Variants in PDE7B observed in about 807,000 individuals in gnomAD.
PDE7B encodes the protein phosphodiesterase 7B.
Under a neutral mutation model 56.2 loss-of-function variants are expected in PDE7B, and 29 were observed. The ratio of observed to expected loss-of-function variants is 0.52; its 90% CI spans 0.38 to 0.70. The LOEUF (loss-of-function observed/expected upper bound fraction) is 0.70, where lower values mean the gene tolerates loss of function less well. Among genes scored for constraint, PDE7B ranks in the 30% least tolerant of loss-of-function variants. The pLI is 0.00. For missense variants in PDE7B, 490 were observed against 565.0 expected (o/e 0.87, Z 1.35); for synonymous variants, 197 against 196.9 (o/e 1.00, Z 0.00).
intron 6 of PDE7B, among the ~76,000 whole-genome samples, chr6:136,153,593 C>G (rs142730718): frequency 6.6e-6 from 1 of 152,204 alleles, no homozygotes; most frequent in Admixed American, 6.5e-5. Flanking sequence ...CTAAGAGGCC[C>G]GGATTTGCTT....
rs73561330 is a variant in PDE7B at position 136,118,909 on chromosome 6, T to C, written c.166+10095T>C. Among the ~76,000 whole-genome samples the C allele has an allele frequency of 6.4e-3, 969 of 152,300 alleles. 6 individuals are homozygous for C. Among genetic ancestry groups the C allele is most frequent in the African/African-American group, 0.022 (897 of 41,566 alleles). On this transcript the variant is annotated intron_variant, in intron 3 of 12. Coordinates refer to ENST00000308191, the MANE Select transcript of PDE7B (RefSeq NM_018945.4). ...ATCTAAAAAATCAGATTTTGCAATA[T>C]TTCTACTGTATTTTCTAATATTCCT...
intron 1 of PDE7B, among the ~76,000 whole-genome samples, chr6:135,928,453 TTA>T (rs1171803694): frequency 0.015 from 1,594 of 105,232 alleles, 56 homozygotes; most frequent in Non-Finnish European, 0.024. Context: ...ATATATTTAT[TTA>T]TATATATATT....
At chr6:135,895,703 A>G (rs1775889485) in intron 1 of PDE7B, among the ~76,000 whole-genome samples, 1 of 152,168 alleles carries the variant, frequency 6.6e-6, no homozygotes, top group Non-Finnish European at 1.5e-5. Flanking sequence ...TAAAAGGACC[A>G]AGCAGAGCTT....
At chr6:135,932,585 TG>T (rs1774313191) in intron 1 of PDE7B, among the ~76,000 whole-genome samples, 1 of 152,202 alleles carries the variant, frequency 6.6e-6, no homozygotes, top group African/African-American at 2.4e-5. Flanking sequence ...AATATATAGA[TG>T]CACACATTCA....
rs1583726046 is a variant in PDE7B, at chr6:135,875,054, T to G, written c.21+23035T>G. On this transcript the variant is annotated intron_variant, in intron 1 of 12. Coordinates refer to ENST00000308191, the MANE Select transcript of PDE7B (RefSeq NM_018945.4). ...TAAAAGCTTCTATTCCAGTTCTCTT[T>G]TGGTTACAGTTTTCCTGATAGATCT... Among the ~76,000 whole-genome samples, 3 of 152,136 alleles carry G rather than the reference T, an allele frequency of 2.0e-5. No homozygotes were observed. The East Asian group carries it at 5.8e-4, about 29-fold the overall frequency.
intron 2 of PDE7B, among the ~76,000 whole-genome samples, chr6:135,988,337 G>T (rs545718955): frequency 3.3e-5 from 5 of 152,116 alleles, no homozygotes; most frequent in Non-Finnish European, 7.4e-5. Flanking sequence ...TCCCAGTAAA[G>T]AAAGCTCCTC....
In PDE7B at chr6:135,984,069, A is replaced by G. The variant is rs1332919041; in HGVS notation, c.82+36545A>G. ...AGGACCTGATGCTCCTGCAGTGTGT[A>G]TCTGGCAATTCTTTCATCCACCTAT... On this transcript the variant is annotated intron_variant, in intron 2 of 12. Coordinates refer to ENST00000308191, the MANE Select transcript of PDE7B (RefSeq NM_018945.4). Among the ~76,000 whole-genome samples the G allele has an allele frequency of 2.6e-5, 4 of 152,348 alleles. No individual in the cohort carries two copies. The East Asian group carries it at 5.8e-4, about 22-fold the overall frequency.
At chr6:136,103,378 C>T (rs1777595761) in intron 2 of PDE7B, among the ~76,000 whole-genome samples, 1 of 152,226 alleles carries the variant, frequency 6.6e-6, no homozygotes, top group African/African-American at 2.4e-5. Flanking sequence ...TTAAATTGCA[C>T]AACCTTCCTC....
At chr6:136,167,071 C>T (rs945981112) in intron 8 of PDE7B, among the ~76,000 whole-genome samples, 32 of 152,070 alleles carry the variant, frequency 2.1e-4, no homozygotes, top group African/African-American at 7.5e-4. Flanking sequence ...AATGCTCTTC[C>T]CCAGGCAGGA....
At chr6:135,913,112 A>G (rs985689339) in intron 1 of PDE7B, among the ~76,000 whole-genome samples, 1 of 152,216 alleles carries the variant, frequency 6.6e-6, no homozygotes, top group African/African-American at 2.4e-5. Context: ...CGAACTTTGT[A>G]ATAAGAACTT....
chr6:135,922,260 G>A (rs1042841255), intron 1 of PDE7B, among the ~76,000 whole-genome samples: 3 of 152,128 alleles, frequency 2.0e-5, no homozygotes, highest in Non-Finnish European at 4.4e-5. Context: ...AGTCAGTAAG[G>A]TACACCCATG....
chr6:136,153,000 G>A (rs1053055923), intron 6 of PDE7B, among the ~76,000 whole-genome samples: 18 of 152,122 alleles, frequency 1.2e-4, no homozygotes, highest in Non-Finnish European at 2.5e-4. Context: ...AGTGATAGAG[G>A]GTTTAAATAT....
intron 2 of PDE7B, among the ~76,000 whole-genome samples, chr6:135,967,529 G>A (rs377280417): frequency 3.3e-5 from 5 of 152,158 alleles, no homozygotes; most frequent in East Asian, 1.9e-4. Context: ...AGCTATCGCT[G>A]TGAAGGAGAC....
At chr6:135,866,546 A>G (rs969529275) in intron 1 of PDE7B, among the ~76,000 whole-genome samples, 2 of 152,186 alleles carry the variant, frequency 1.3e-5, no homozygotes, top group African/African-American at 4.8e-5. Flanking sequence ...TACTTGTTAC[A>G]GATTCTGCCT....
intron 2 of PDE7B, among the ~76,000 whole-genome samples, chr6:135,963,067 G>A (rs976786888): frequency 6.6e-6 from 1 of 152,134 alleles, no homozygotes; most frequent in Admixed American, 6.6e-5. Flanking sequence ...AAGTAATGTG[G>A]AACAAAACAC....
intron 2 of PDE7B, among the ~76,000 whole-genome samples, chr6:135,976,146 G>A (rs1318909068): frequency 1.3e-5 from 2 of 152,092 alleles, no homozygotes; most frequent in African/African-American, 2.4e-5. Flanking sequence ...TTACAAATGA[G>A]TTTGGCAAAC....
chr6:136,059,265 G>A lies in PDE7B; in HGVS notation c.83-49466G>A, dbSNP rs368183248. Among the ~76,000 whole-genome samples, 7 of 152,276 alleles carry A rather than the reference G, an allele frequency of 4.6e-5. No homozygotes were observed. In the East Asian group the frequency reaches 1.2e-3, roughly 25 times the overall value. On this transcript the variant is annotated intron_variant, in intron 2 of 12. Transcript: ENST00000308191. ...CAATAATGGAACACTAGGCATAAAT[G>A]GGTTGAGTGACTTGTTTCTGAGGCA...
At chr6:135,906,641 G>C (rs1342775177) in intron 1 of PDE7B, among the ~76,000 whole-genome samples, 1 of 152,092 alleles carries the variant, frequency 6.6e-6, no homozygotes, top group Non-Finnish European at 1.5e-5. Context: ...TCAAATTAAA[G>C]TAAGAGAGAC....
chr6:136,013,535 T>C (rs138443919), intron 2 of PDE7B, among the ~76,000 whole-genome samples: 101 of 152,288 alleles, frequency 6.6e-4, no homozygotes, highest in Non-Finnish European at 1.4e-3. Context: ...GGAATGAATG[T>C]GGGGTGGCCA....
Sources: allele counts gnomAD v4.1 joint callset (sites outside exome capture counted in the v4.1 genomes callset), GRCh38; gene constraint gnomAD v4.1.1; transcripts MANE v1.5; gene names NCBI Gene and HGNC (gene_info 2026-07-23, HGNC 2026-07-21).